Variants in CARNMT1 observed in about 807,000 individuals in gnomAD.
CARNMT1 encodes protein-L-histidine N-pros-methyltransferase CARNMT1.
Under a neutral mutation model 49.6 loss-of-function variants are expected in CARNMT1, and 28 were observed. The ratio of observed to expected loss-of-function variants is 0.56; its 90% CI spans 0.42 to 0.77. CARNMT1 has a LOEUF of 0.77. CARNMT1 is among the 30% of genes least tolerant of loss of function. The pLI is 0.00. For missense variants in CARNMT1, 421 were observed against 512.6 expected (o/e 0.82, Z 1.73); for synonymous variants, 178 against 175.0 (o/e 1.02, Z -0.13).
chr9:74,987,691 T>C (rs1054084768), intron 6 of CARNMT1, among the ~76,000 whole-genome samples: 3 of 152,086 alleles, frequency 2.0e-5, no homozygotes, highest in Non-Finnish European at 2.9e-5. Context: ...CCTGTCTTGA[T>C]AGTGGCCATG....
chr9:74,996,427 G>C lies in CARNMT1; in HGVS notation c.1024+20C>G. The C allele has an allele frequency of 7.5e-7, 1 of 1,334,824 alleles. No individual in the cohort carries two copies. The highest frequency in any genetic ancestry group is 1.1e-6 in the Non-Finnish European group (1 of 944,758). The allele number at this position is 1,334,824 out of a possible 1,614,324, so 82.7% of individuals were successfully genotyped here. On this transcript the variant is annotated intron_variant, in intron 6 of 7. Transcript: ENST00000376834. Reference sequence around the variant, plus strand: ...ACTCAGATTAATATACAAAATTTTAGTAAATACTAAAAAACTTACCTAGAT... The same window carrying C: ...ACTCAGATTAATATACAAAATTTTACTAAATACTAAAAAACTTACCTAGAT...
intron 1 of CARNMT1, among the ~76,000 whole-genome samples, chr9:75,022,252 C>T (rs1822391289): frequency 1.8e-5 from 2 of 108,270 alleles, no homozygotes; most frequent in South Asian, 3.2e-4. Context: ...GAGATGGAGT[C>T]TCACTCTGTC....
intron 3 of CARNMT1, among the ~76,000 whole-genome samples, chr9:75,003,644 T>C (rs1833426724): frequency 6.6e-6 from 1 of 152,362 alleles, no homozygotes; most frequent in African/African-American, 2.4e-5. Flanking sequence ...TGTAACATAA[T>C]TTATCAAAAT....
chr9:75,018,271 C>A (rs778926880), intron 1 of CARNMT1, among the ~76,000 whole-genome samples: 1 of 151,984 alleles, frequency 6.6e-6, no homozygotes, highest in Non-Finnish European at 1.5e-5. Flanking sequence ...ATCATGTTGC[C>A]CAGGCTGGTC....
In CARNMT1 at chr9:74,996,466, A is replaced by T. The variant is rs756952127; in HGVS notation, c.1005T>A (p.Gly335=). The part of the protein sequence containing the change: ...IDTIWKILKP[G]GIWINLGPLL... ...ACTTACCTAGATTTATCCAAATTCC[A>T]CCTGGCTTGAGTATTTTCCATATTG... The change falls in exon 6 of 8, where the codon GGT becomes GGA. Residue 335 remains glycine (G), a synonymous_variant. Transcript: ENST00000376834. The T allele has an allele frequency of 2.5e-6, 4 of 1,595,304 alleles. No individual in the cohort carries two copies. Among genetic ancestry groups the T allele is most frequent in the East Asian group, 4.5e-5 (2 of 44,660 alleles).
At chr9:75,027,547 AAC>A in intron 1 of CARNMT1, 1 of 879,116 alleles carries the variant, frequency 1.1e-6, no homozygotes, top group Non-Finnish European at 1.4e-6. Flanking sequence ...AAGCACTGGT[AAC>A]AGTTTGGGAA....
chr9:74,990,780 C>A (rs531774946), intron 6 of CARNMT1, among the ~76,000 whole-genome samples: 1 of 152,094 alleles, frequency 6.6e-6, no homozygotes, highest in Non-Finnish European at 1.5e-5. Context: ...AGGGATATGT[C>A]GAAAGAACAG....
rs746945956 is a variant in CARNMT1, at chr9:75,017,381, T to C, written c.298A>G (p.Lys100Glu). 2.5e-6 allele frequency: 4 copies of C among 1,614,042 alleles called. No homozygotes were observed. Among genetic ancestry groups the C allele is most frequent in the Non-Finnish European group, 3.4e-6 (4 of 1,180,012 alleles). ...TGAAGAAGAAACTGAGGAAGTAGTT[T>C]CTGTTGGTTAGCTGGAAGTGATCGA... ...QFRSLPANQQ[K>E]LLPQFLLHLD... Residue 100 changes from lysine to glutamate, a missense_variant, in exon 2 of 8, where the codon AAA becomes GAA. This residue lies in a region of CARNMT1 where 186 missense variants were observed against 167.9 expected (regional missense o/e 1.11). Transcript: ENST00000376834.
chr9:75,026,622 T>C (rs1029210558), intron 1 of CARNMT1, among the ~76,000 whole-genome samples: 2 of 152,234 alleles, frequency 1.3e-5, no homozygotes, highest in African/African-American at 2.4e-5. Context: ...ACTTCTCTTT[T>C]GGGCTCCGTA....
rs144206143 is a variant in CARNMT1 at position 75,017,107 on chromosome 9, C to G, written c.426+146G>C. On this transcript the variant is annotated intron_variant, in intron 2 of 7. Transcript: ENST00000376834. ...CCAGTCTCTGGCTATTAAGCCTAATCAAATGACTGAACATTTAAGTTAAAA... is the reference window on the plus strand; with the variant it reads ...CCAGTCTCTGGCTATTAAGCCTAATGAAATGACTGAACATTTAAGTTAAAA... The G allele has an allele frequency of 4.8e-6, 3 of 627,498 alleles. No individual in the cohort carries two copies. The East Asian group carries it at 8.3e-5, about 17-fold the overall frequency. The allele number at this position is 627,498 out of a possible 1,614,324, so 38.9% of individuals were successfully genotyped here.
At chr9:75,014,844 A>C (rs1833798494) in intron 3 of CARNMT1, among the ~76,000 whole-genome samples, 1 of 151,918 alleles carries the variant, frequency 6.6e-6, no homozygotes, top group South Asian at 2.1e-4. Flanking sequence ...TAAAAATAAT[A>C]AATAAATAAA....
At chr9:75,016,193 CTG>C (rs1833843100) in intron 3 of CARNMT1, 73 bp downstream of exon 3, 6 of 1,137,686 alleles carry the variant, frequency 5.3e-6, no homozygotes, top group East Asian at 2.4e-5. Flanking sequence ...TGAAGCGAGA[CTG>C]TGAAACATTT....
In CARNMT1 at chr9:74,981,505, GAAT is replaced by G. The variant is rs1319709082; in HGVS notation, c.*2259_*2261del. The G allele has an allele frequency of 6.6e-6, 1 of 151,978 alleles. No individual in the cohort carries two copies. Among genetic ancestry groups the G allele is most frequent in the Non-Finnish European group, 1.5e-5 (1 of 67,966 alleles). 9.4% of individuals were successfully genotyped at this position (151,978 alleles called of 1,614,324 possible). A position where few individuals can be genotyped will look rare whatever the true frequency, so the allele number is the denominator to read the frequency against. On this transcript the variant is annotated 3_prime_UTR_variant, in exon 8 of 8. Transcript: ENST00000376834. ...GATTGATACCACATTTTCAAGTTTA[GAAT>G]ATATTAACTGCAAAAGCTGTAAGAA...
chr9:75,006,283 T>A (rs1300141495), intron 3 of CARNMT1, among the ~76,000 whole-genome samples: 2 of 151,460 alleles, frequency 1.3e-5, no homozygotes. Context: ...AACTCCTGAC[T>A]GCAAGTGATC....
At position 75,015,572 on chromosome 9, in the gene CARNMT1, G is replaced by A. The variant is rs956575999; in HGVS notation, c.590+696C>T. ...AGGAAGACACAGGCGGATCACTTGA[G>A]GTCAGGAGTTCGAGACCAGCCTGGC... On this transcript the variant is annotated intron_variant, in intron 3 of 7. Coordinates refer to ENST00000376834, the MANE Select transcript of CARNMT1 (RefSeq NM_152420.3). 6.3e-4 allele frequency among the ~76,000 whole-genome samples: 96 copies of A among 152,106 alleles called. 3 individuals are homozygous for A. Among genetic ancestry groups the A allele is most frequent in the Non-Finnish European group, 1.3e-4 (9 of 68,006 alleles).
At chr9:75,010,921 T>C (rs1171655665) in intron 3 of CARNMT1, among the ~76,000 whole-genome samples, 1 of 152,110 alleles carries the variant, frequency 6.6e-6, no homozygotes, top group Admixed American at 6.5e-5. Flanking sequence ...TACTGTGAAG[T>C]ACTGAATGTC....
intron 1 of CARNMT1, among the ~76,000 whole-genome samples, 176 bp downstream of exon 1, chr9:75,027,836 C>A (rs2118889522): frequency 6.6e-6 from 1 of 151,096 alleles, no homozygotes; most frequent in East Asian, 2.0e-4. Flanking sequence ...TGTGCAGGGC[C>A]GGGAGGGGCT....
intron 3 of CARNMT1, 193 bp downstream of exon 3, chr9:75,016,074 CA>C: frequency 2.3e-6 from 1 of 430,548 alleles, no homozygotes; most frequent in South Asian, 5.8e-5. Flanking sequence ...CCCTAAGCAC[CA>C]GCATAAAAAT....
At chr9:75,001,412 A>G (rs1318122773) in intron 3 of CARNMT1, among the ~76,000 whole-genome samples, 1 of 152,156 alleles carries the variant, frequency 6.6e-6, no homozygotes, top group Non-Finnish European at 1.5e-5. Context: ...AGAACTCTCC[A>G]CCTCAACCTA....
Sources: allele counts gnomAD v4.1 joint callset (sites outside exome capture counted in the v4.1 genomes callset), GRCh38; gene constraint gnomAD v4.1.1; regional missense constraint gnomAD v4.1.1; transcripts MANE v1.5; gene names NCBI Gene and HGNC (gene_info 2026-07-23, HGNC 2026-07-21).